GMDS: variants seen among roughly 807,000 people sequenced by gnomAD.
The protein encoded by GMDS is GDP-mannose 4,6-dehydratase, also known as GDP-mannose 4,6 dehydratase.
Under a neutral mutation model 49.9 loss-of-function variants are expected in GMDS, and 20 were observed. The ratio of observed to expected loss-of-function variants is 0.40; its 90% confidence interval spans 0.28 to 0.58. The LOEUF is 0.58. Among genes scored for constraint, GMDS ranks in the 20% least tolerant of loss-of-function variants. GMDS has a pLI of 0.42. For missense variants in GMDS, 362 were observed against 481.4 expected (o/e 0.75, Z 2.32); for synonymous variants, 177 against 178.6 (o/e 0.99, Z 0.07).
intron 1 of GMDS, 93 bp downstream of exon 1, chr6:2,245,227 TC>T: frequency 1.1e-6 from 1 of 880,900 alleles, no homozygotes; most frequent in Non-Finnish European, 1.8e-6. Context: ...AGAGGGCTGT[TC>T]CTGGAGAGAC....
At chr6:1,797,968 T>G (rs1233096653) in intron 7 of GMDS, among the ~76,000 whole-genome samples, 1 of 152,234 alleles carries the variant, frequency 6.6e-6, no homozygotes, top group Non-Finnish European at 1.5e-5. Flanking sequence ...GACTCATTTT[T>G]CAGTTCTAAT....
chr6:1,900,616 T>C (rs1760452506), intron 7 of GMDS, among the ~76,000 whole-genome samples: 1 of 152,186 alleles, frequency 6.6e-6, no homozygotes, highest in African/African-American at 2.4e-5. Context: ...AAACTAGTCA[T>C]GAAGTTTTAT....
In GMDS at chr6:1,726,600, C is replaced by T. The variant is rs547650107; in HGVS notation, c.891-88G>A. On this transcript the variant is annotated intron_variant, in intron 8 of 10. Coordinates refer to ENST00000380815, the MANE Select transcript of GMDS (RefSeq NM_001500.4). ...GCACCTTGGGATGCCCCAGCCCTCT[C>T]CCCGCAGGAGCGCTTAAGCTCATTA... 4.1e-5 allele frequency: 38 copies of T among 925,918 alleles called. No homozygotes were observed. The African/African-American group carries it at 4.3e-4, about 11-fold the overall frequency. 57.4% of individuals were successfully genotyped at this position (925,918 alleles called of 1,614,324 possible). A position where few individuals can be genotyped will look rare whatever the true frequency, so the allele number is the denominator to read the frequency against.
intron 7 of GMDS, among the ~76,000 whole-genome samples, chr6:1,875,746 C>G (rs1309453224): frequency 6.6e-6 from 1 of 152,126 alleles, no homozygotes; most frequent in Non-Finnish European, 1.5e-5. Flanking sequence ...GTGAGCATAG[C>G]TGGGTGTGGT....
At chr6:1,848,446 C>T (rs1214568005) in intron 7 of GMDS, among the ~76,000 whole-genome samples, 1 of 152,214 alleles carries the variant, frequency 6.6e-6, no homozygotes, top group African/African-American at 2.4e-5. Flanking sequence ...GCAAAAAGCA[C>T]TTTATCCTTA....
intron 4 of GMDS, among the ~76,000 whole-genome samples, chr6:1,987,886 A>C (rs1448446165): frequency 6.6e-6 from 1 of 152,224 alleles, no homozygotes; most frequent in East Asian, 1.9e-4. Context: ...GTCAGGGACT[A>C]CTATTATATT....
intron 4 of GMDS, among the ~76,000 whole-genome samples, chr6:2,114,388 A>G (rs1419705774): frequency 2.6e-5 from 4 of 152,194 alleles, no homozygotes. Context: ...TCAATTAGGG[A>G]AAAATAAAGT....
At chr6:1,815,200 A>C (rs1235065540) in intron 7 of GMDS, among the ~76,000 whole-genome samples, 2 of 143,374 alleles carry the variant, frequency 1.4e-5, no homozygotes, top group Non-Finnish European at 3.0e-5. Flanking sequence ...TATTGTCTGC[A>C]ATAAAAATGC....
chr6:1,726,355 C>T (rs988163880), intron 9 of GMDS, 61 bp downstream of exon 9: 50 of 1,064,048 alleles, frequency 4.7e-5, no homozygotes, highest in Middle Eastern at 2.2e-4. Flanking sequence ...ATTCCATGAG[C>T]GCATTTGCCC....
intron 9 of GMDS, among the ~76,000 whole-genome samples, chr6:1,711,658 T>C (rs1387317774): frequency 1.3e-5 from 2 of 152,218 alleles, no homozygotes; most frequent in South Asian, 2.1e-4. Flanking sequence ...TGTCTAGGTA[T>C]GGTTTTCCAT....
intron 1 of GMDS, among the ~76,000 whole-genome samples, chr6:2,140,670 C>T (rs1221783770): frequency 6.6e-6 from 1 of 152,210 alleles, no homozygotes; most frequent in Non-Finnish European, 1.5e-5. Context: ...ATTCCTCTAA[C>T]AAAGTTTGGG....
intron 7 of GMDS, among the ~76,000 whole-genome samples, chr6:1,892,530 T>C (rs975149152): frequency 2.6e-5 from 4 of 152,132 alleles, no homozygotes; most frequent in African/African-American, 9.7e-5. Context: ...GGCTAATTTT[T>C]GTATTTTTAG....
chr6:2,109,068 C>CCTCA (rs541343756), intron 4 of GMDS, among the ~76,000 whole-genome samples: 5 of 152,166 alleles, frequency 3.3e-5, no homozygotes, highest in Non-Finnish European at 7.3e-5. Flanking sequence ...AAATGACAGG[C>CCTCA]CTCAGTCCCA....
chr6:2,038,703 T>TA (rs2127424923), intron 4 of GMDS, among the ~76,000 whole-genome samples: 1 of 143,826 alleles, frequency 7.0e-6, no homozygotes, highest in Non-Finnish European at 1.6e-5. Flanking sequence ...GACTGCTGAG[T>TA]AACATAAGCA....
chr6:2,002,697 G>A (rs907754254), intron 4 of GMDS, among the ~76,000 whole-genome samples: 13 of 152,144 alleles, frequency 8.5e-5, no homozygotes, highest in African/African-American at 3.1e-4. Flanking sequence ...CTTCTGAGCT[G>A]AAAATCCATG....
In GMDS at chr6:1,656,573, C is replaced by T. The variant is rs1445927135; in HGVS notation, c.988-32033G>A. Among the ~76,000 whole-genome samples the T allele has an allele frequency of 2.6e-5, 4 of 151,990 alleles. No individual in the cohort carries two copies. In the East Asian group the frequency reaches 5.8e-4, roughly 22 times the overall value. ...GGTCAGGAGTTCGAGACCAGCCTGACCAACATGGTGAAACCCCGTCTCTAC... is the reference window on the plus strand; with the variant it reads ...GGTCAGGAGTTCGAGACCAGCCTGATCAACATGGTGAAACCCCGTCTCTAC... On this transcript the variant is annotated intron_variant, in intron 9 of 10. Coordinates refer to ENST00000380815, the MANE Select transcript of GMDS (RefSeq NM_001500.4).
chr6:2,015,846 A>T (rs2127399657), intron 4 of GMDS, among the ~76,000 whole-genome samples: 1 of 152,278 alleles, frequency 6.6e-6, no homozygotes, highest in Middle Eastern at 3.4e-3. Context: ...GCAAAACAGC[A>T]AAACTAGCAT....
chr6:2,204,883 C>T (rs1244507736), intron 1 of GMDS, among the ~76,000 whole-genome samples: 1 of 152,098 alleles, frequency 6.6e-6, no homozygotes, highest in Admixed American at 6.5e-5. Flanking sequence ...GTGTTAGGGG[C>T]CATTTTTCTG....
At position 2,188,125 on chromosome 6, in the gene GMDS, T is replaced by C. The variant is rs554190317; in HGVS notation, c.102+57196A>G. On this transcript the variant is annotated intron_variant, in intron 1 of 10. Coordinates refer to ENST00000380815, the MANE Select transcript of GMDS (RefSeq NM_001500.4). ...ACCTGCTGCATCACTGGGGGCAACATGCCCACCGAGGAGGGGGACTCAAAG... is the reference window on the plus strand; with the variant it reads ...ACCTGCTGCATCACTGGGGGCAACACGCCCACCGAGGAGGGGGACTCAAAG... Among the ~76,000 whole-genome samples, 10 of 152,304 alleles carry C rather than the reference T, an allele frequency of 6.6e-5. No individual in the cohort carries two copies. In the South Asian group the frequency reaches 1.9e-3, roughly 28 times the overall value.
Sources: gnomAD v4.1 joint callset for allele counts (sites outside exome capture counted in the v4.1 genomes callset) on GRCh38, gnomAD v4.1.1 for gene constraint, MANE v1.5 for transcripts, NCBI Gene and HGNC (gene_info 2026-07-23, HGNC 2026-07-21) for gene names.